Variants in BMPR1B observed in about 807,000 individuals in gnomAD.
The protein encoded by BMPR1B is bone morphogenetic protein receptor type 1B.
A neutral mutation model predicts 59.1 loss-of-function variants in BMPR1B; 12 were observed. The ratio of observed to expected loss-of-function variants is 0.20; its 90% confidence interval spans 0.13 to 0.33. The LOEUF (loss-of-function observed/expected upper bound fraction) is 0.33, where lower values mean the gene tolerates loss of function less well. Among genes scored for constraint, BMPR1B ranks in the 10% least tolerant of loss-of-function variants. The pLI, the probability that BMPR1B is intolerant of heterozygous loss-of-function variation, is 1.00. For missense variants in BMPR1B, 550 were observed against 610.9 expected, an observed-to-expected ratio of 0.90 and a Z score of 1.05; for synonymous variants, 237 against 207.3, an observed-to-expected ratio of 1.14 and a Z score of -1.23.
chr4:95,134,799 C>A (rs1324891464), intron 10 of BMPR1B, among the ~76,000 whole-genome samples: 1 of 152,076 alleles, frequency 6.6e-6, no homozygotes, highest in Non-Finnish European at 1.5e-5. Flanking sequence ...AGATTTTCTC[C>A]CATTCTGTAG....
intron 3 of BMPR1B, among the ~76,000 whole-genome samples, chr4:95,029,366 C>T (rs1455562869): frequency 1.3e-5 from 2 of 150,196 alleles, no homozygotes; most frequent in Admixed American, 6.7e-5. Context: ...TTTGTCCTTG[C>T]GATAGTTTAC....
At chr4:94,895,216 G>A (rs1185077293) in intron 2 of BMPR1B, among the ~76,000 whole-genome samples, 3 of 151,902 alleles carry the variant, frequency 2.0e-5, no homozygotes, top group Non-Finnish European at 1.5e-5. Context: ...GTCCCTCATT[G>A]CTTGGATTAA....
intron 1 of BMPR1B, among the ~76,000 whole-genome samples, chr4:94,794,468 G>T (rs1263947474): frequency 7.0e-6 from 1 of 142,410 alleles, no homozygotes; most frequent in Non-Finnish European, 1.5e-5. Flanking sequence ...CTCCAGCTTT[G>T]TTCTTTTGGC....
chr4:95,078,640 T>C (rs766668462), intron 3 of BMPR1B, among the ~76,000 whole-genome samples: 4 of 152,248 alleles, frequency 2.6e-5, no homozygotes, highest in Admixed American at 6.5e-5. Context: ...CAAGGTTACA[T>C]TGGTACTAGA....
At chr4:94,836,182 C>A (rs979551904) in intron 1 of BMPR1B, among the ~76,000 whole-genome samples, 17 of 149,882 alleles carry the variant, frequency 1.1e-4, no homozygotes, top group African/African-American at 3.7e-4. Context: ...GGGTTGGTTC[C>A]AAGTCTTTGC....
chr4:95,082,309 G>A (rs1179094566), intron 3 of BMPR1B, among the ~76,000 whole-genome samples: 1 of 151,746 alleles, frequency 6.6e-6, no homozygotes, highest in East Asian at 1.9e-4. Flanking sequence ...AGGGTCCCAA[G>A]AACAAAACAT....
intron 10 of BMPR1B, among the ~76,000 whole-genome samples, chr4:95,132,322 CT>C (rs1225127747): frequency 2.0e-5 from 3 of 152,080 alleles, no homozygotes; most frequent in African/African-American, 7.2e-5. Flanking sequence ...CTAAGTAAGA[CT>C]CTGTAATACA....
intron 2 of BMPR1B, among the ~76,000 whole-genome samples, chr4:94,958,296 A>G (rs1033892905): frequency 2.6e-5 from 4 of 152,308 alleles, no homozygotes; most frequent in Middle Eastern, 3.4e-3. Context: ...CATTGTATAT[A>G]CTGTCTGGGC....
intron 2 of BMPR1B, among the ~76,000 whole-genome samples, chr4:94,992,517 T>C (rs1430651116): frequency 6.6e-6 from 1 of 152,210 alleles, no homozygotes; most frequent in African/African-American, 2.4e-5. Flanking sequence ...ATTTTCTTTA[T>C]TTAAAAAAAG....
chr4:94,833,987 C>T (rs2522528), intron 1 of BMPR1B, among the ~76,000 whole-genome samples: 22,240 of 152,146 alleles, frequency 0.15, 1,946 homozygotes, highest in East Asian at 0.23. Flanking sequence ...GCTACCCATA[C>T]GTAGTGTGAT....
chr4:94,894,462 A>AGAGAG (rs1560535777), intron 2 of BMPR1B, among the ~76,000 whole-genome samples: 1 of 130,650 alleles, frequency 7.7e-6, no homozygotes, highest in African/African-American at 3.0e-5. Context: ...GAGAGAGAGA[A>AGAGAG]AGCGAGAAAT....
At chr4:94,804,033 C>A (rs1723511203) in intron 1 of BMPR1B, among the ~76,000 whole-genome samples, 1 of 152,044 alleles carries the variant, frequency 6.6e-6, no homozygotes, top group South Asian at 2.1e-4. Context: ...CACCCGCCAC[C>A]ACGCCCGGCT....
rs148659247 is a variant in BMPR1B, at chr4:95,075,755, T to A, written c.-17-28653T>A. ...GTCTCTCATACTTTATAGAACACAG[T>A]CAGTTATTTCCATGTTTCCAAGTAG... On this transcript the variant is annotated intron_variant, in intron 3 of 12. Coordinates refer to ENST00000515059, the MANE Select transcript of BMPR1B (RefSeq NM_001203.3). Among the ~76,000 whole-genome samples, 5 of 152,224 alleles carry A rather than the reference T, an allele frequency of 3.3e-5. No homozygotes were observed. The East Asian group carries it at 9.7e-4, about 29-fold the overall frequency.
chr4:94,951,653 G>A (rs1457710495), intron 2 of BMPR1B, among the ~76,000 whole-genome samples: 1 of 152,068 alleles, frequency 6.6e-6, no homozygotes, highest in South Asian at 2.1e-4. Context: ...TGCTGGATTC[G>A]TTTTGCCAGT....
At chr4:94,902,955 A>T (rs1727888914) in intron 2 of BMPR1B, among the ~76,000 whole-genome samples, 1 of 152,032 alleles carries the variant, frequency 6.6e-6, no homozygotes. Context: ...AAGCTCTGTG[A>T]GGGCTAGGTT....
chr4:94,777,214 C>A (rs977521498), intron 1 of BMPR1B, among the ~76,000 whole-genome samples: 2 of 151,994 alleles, frequency 1.3e-5, no homozygotes, highest in Non-Finnish European at 2.9e-5. Flanking sequence ...TATTTAATTT[C>A]TCTCATATTT....
At chr4:94,874,167 A>ATAT (rs1386128801) in intron 1 of BMPR1B, among the ~76,000 whole-genome samples, 3 of 152,172 alleles carry the variant, frequency 2.0e-5, no homozygotes, top group Non-Finnish European at 4.4e-5. Flanking sequence ...GTGTGTATAT[A>ATAT]TATACATACC....
Position 95,131,244 on chromosome 4 carries a change from G to C in BMPR1B, c.808G>C (p.Gly270Arg). 6.2e-7 allele frequency: 1 copy of C among 1,613,820 alleles called. No homozygotes were observed. Among genetic ancestry groups the C allele is most frequent in the Non-Finnish European group, 8.5e-7 (1 of 1,179,926 alleles). ...GFIAADIKGT[G>R]SWTQLYLITD... Reference sequence around the variant, plus strand: ...CATTGCTGCAGATATCAAAGGGACAGGGTCCTGGACCCAGTTGTACCTAAT... The same window carrying C: ...CATTGCTGCAGATATCAAAGGGACACGGTCCTGGACCCAGTTGTACCTAAT... The change falls in exon 10 of 13, where the codon GGG becomes CGG. Residue 270 changes from glycine (G) to arginine (R), a missense_variant. By Grantham distance (125) the Gly-to-Arg change is moderately radical. Transcript: ENST00000515059.
intron 1 of BMPR1B, among the ~76,000 whole-genome samples, chr4:94,791,062 A>G (rs1389822742): frequency 6.6e-6 from 1 of 152,138 alleles, no homozygotes; most frequent in Non-Finnish European, 1.5e-5. Flanking sequence ...ATCTCAGCTC[A>G]CTGCAACCTC....
Sources: gnomAD v4.1 joint callset for allele counts (sites outside exome capture counted in the v4.1 genomes callset) on GRCh38, gnomAD v4.1.1 for gene constraint, MANE v1.5 for transcripts, NCBI Gene and HGNC (gene_info 2026-07-23, HGNC 2026-07-21) for gene names.